Variants in PRKCQ observed in about 807,000 individuals in gnomAD.
The protein encoded by PRKCQ is protein kinase C theta.
In PRKCQ, 41 loss-of-function variants were observed where a neutral mutation model predicts 91.2. That is an observed-to-expected ratio of 0.45 (90% CI 0.35 to 0.58). The LOEUF (loss-of-function observed/expected upper bound fraction) is 0.58, where lower values mean the gene tolerates loss of function less well. Ranked by LOEUF, PRKCQ falls within the 20% of genes least tolerant of loss-of-function variation. The pLI, the probability that PRKCQ is intolerant of heterozygous loss-of-function variation, is 0.00. For synonymous variants in PRKCQ, 307 were observed against 316.9 expected (o/e 0.97, Z 0.33); for missense variants, 673 against 896.5 (o/e 0.75, Z 3.18).
chr10:6,576,801 G>A lies in PRKCQ; in HGVS notation c.-10+3410C>T, dbSNP rs1474876371. 1.3e-5 allele frequency among the ~76,000 whole-genome samples: 2 copies of A among 152,078 alleles called. No individual in the cohort carries two copies. Among genetic ancestry groups the A allele is most frequent in the Non-Finnish European group, 2.9e-5 (2 of 68,014 alleles). ...GCTTGATGGTTAGACTAATCTGGATGGTCCAACTAACCTGACTCTACCACT... is the reference window on the plus strand; with the variant it reads ...GCTTGATGGTTAGACTAATCTGGATAGTCCAACTAACCTGACTCTACCACT... On this transcript the variant is annotated intron_variant, in intron 1 of 17. Transcript: ENST00000263125. The surrounding 1 kb of genome is among the most constrained non-coding windows in gnomAD (Gnocchi z 4.2).
intron 8 of PRKCQ, among the ~76,000 whole-genome samples, chr10:6,488,359 G>A (rs1373832993): frequency 2.0e-5 from 3 of 151,538 alleles, no homozygotes; most frequent in Non-Finnish European, 4.4e-5. Context: ...ATAAAATAAA[G>A]CAGAATTTTC....
At chr10:6,416,460 G>A in the PRKCQ span, among the ~76,000 whole-genome samples, 4 of 152,090 alleles carry the variant, frequency 2.6e-5, no homozygotes, top group African/African-American at 7.2e-5. Context: ...GAGAACATAT[G>A]ATGTTTGGTT....
At chr10:6,572,321 T>A (rs916968956) in intron 1 of PRKCQ, among the ~76,000 whole-genome samples, 1 of 152,084 alleles carries the variant, frequency 6.6e-6, no homozygotes, top group East Asian at 1.9e-4. Context: ...GCACCTATCA[T>A]CCCATCACCT....
chr10:6,430,773 G>C lies in PRKCQ; in HGVS notation c.1965+37C>G. On this transcript the variant is annotated intron_variant, in intron 17 of 17. Coordinates refer to ENST00000263125, the MANE Select transcript of PRKCQ (RefSeq NM_006257.5). This position sits in a 1 kb window ranked among gnomAD's most constrained non-coding sequence, Gnocchi z 4.7. ...GCAGACGGCCCTGAGCGGAGGGAGAGTGGCTGACACCAAGCGGCCCATGAG... is the reference window on the plus strand; with the variant it reads ...GCAGACGGCCCTGAGCGGAGGGAGACTGGCTGACACCAAGCGGCCCATGAG... 6.2e-7 allele frequency: 1 copy of C among 1,605,362 alleles called. No individual in the cohort carries two copies. The highest frequency in any genetic ancestry group is 8.5e-7 in the Non-Finnish European group (1 of 1,175,012).
At chr10:6,464,240 A>G in intron 13 of PRKCQ, 73 bp downstream of exon 13, 1 of 1,387,130 alleles carries the variant, frequency 7.2e-7, no homozygotes, top group South Asian at 1.2e-5. Flanking sequence ...GCCAAGTGGG[A>G]AAAAAGGAAA....
the PRKCQ span, among the ~76,000 whole-genome samples, chr10:6,412,469 A>G: frequency 6.6e-6 from 1 of 152,246 alleles, no homozygotes; most frequent in Non-Finnish European, 1.5e-5. Flanking sequence ...CATCTAAAAG[A>G]ACTGCCTTGC....
the PRKCQ span, among the ~76,000 whole-genome samples, chr10:6,404,262 G>GAGAGAGAGAC: frequency 7.2e-6 from 1 of 138,192 alleles, no homozygotes; most frequent in East Asian, 2.0e-4. Context: ...GGGGGAGAGA[G>GAGAGAGAGAC]AGAGAGAGAG....
At chr10:6,464,038 A>G (rs1835499132) in intron 13 of PRKCQ, among the ~76,000 whole-genome samples, 1 of 152,208 alleles carries the variant, frequency 6.6e-6, no homozygotes. Context: ...CAAAGGTTAC[A>G]TATTTGCTTC....
chr10:6,471,713 G>A (rs1432506782), intron 12 of PRKCQ, among the ~76,000 whole-genome samples: 2 of 152,166 alleles, frequency 1.3e-5, no homozygotes, highest in African/African-American at 4.8e-5. Context: ...TCGTTCCACT[G>A]TACTCCAATC....
chr10:6,425,511 C>T (rs566186587), downstream of PRKCQ, among the ~76,000 whole-genome samples: 4 of 152,086 alleles, frequency 2.6e-5, no homozygotes, highest in East Asian at 1.9e-4. Flanking sequence ...CGTGAACCAC[C>T]GCACCTGGCC....
intron 11 of PRKCQ, among the ~76,000 whole-genome samples, chr10:6,481,985 T>C (rs1399695254): frequency 6.6e-6 from 1 of 150,594 alleles, no homozygotes; most frequent in East Asian, 1.9e-4. Context: ...TCTTCCTTCT[T>C]CTCACCTCCC....
At chr10:6,520,526 C>A (rs1838959537) in intron 1 of PRKCQ, among the ~76,000 whole-genome samples, 1 of 152,174 alleles carries the variant, frequency 6.6e-6, no homozygotes. Flanking sequence ...ACAGCTTCAG[C>A]CTTCTAGGAA....
intron 15 of PRKCQ, among the ~76,000 whole-genome samples, chr10:6,445,404 C>G (rs1249269561): frequency 6.6e-6 from 1 of 152,162 alleles, no homozygotes. Flanking sequence ...TAAAACGTCA[C>G]AGGCTCTACT....
chr10:6,491,081 G>A (rs1290991267), intron 8 of PRKCQ, among the ~76,000 whole-genome samples: 3 of 152,164 alleles, frequency 2.0e-5, no homozygotes, highest in African/African-American at 7.2e-5. Flanking sequence ...TGGCCTTGGA[G>A]GAAAGACCAG....
intron 12 of PRKCQ, among the ~76,000 whole-genome samples, chr10:6,474,286 C>G (rs560911104): frequency 6.6e-6 from 1 of 152,180 alleles, no homozygotes; most frequent in Non-Finnish European, 1.5e-5. Context: ...TGCAAAACCA[C>G]GGCGGCCTGC....
intron 1 of PRKCQ, among the ~76,000 whole-genome samples, chr10:6,575,739 A>G (rs879825705): frequency 2.6e-5 from 4 of 152,226 alleles, no homozygotes; most frequent in Non-Finnish European, 5.9e-5. Flanking sequence ...AAAGGCTACT[A>G]TAAAGAAGAT....
At chr10:6,402,577 G>A in the PRKCQ span, among the ~76,000 whole-genome samples, 1 of 152,112 alleles carries the variant, frequency 6.6e-6, no homozygotes, top group East Asian at 1.9e-4. Flanking sequence ...AAAGAAGAGT[G>A]GCAGTAACTA....
chr10:6,528,185 G>A (rs554205272), intron 1 of PRKCQ, among the ~76,000 whole-genome samples: 2 of 152,184 alleles, frequency 1.3e-5, no homozygotes, highest in Admixed American at 1.3e-4. Context: ...AGGTGCTTCT[G>A]GGGCTGGTGT....
chr10:6,448,224 G>A (rs1298721172), intron 15 of PRKCQ, among the ~76,000 whole-genome samples: 1 of 152,150 alleles, frequency 6.6e-6, no homozygotes, highest in African/African-American at 2.4e-5. Flanking sequence ...GTCCCTGATG[G>A]GGAGAAGCTC....
Sources: allele counts gnomAD v4.1 joint callset (sites outside exome capture counted in the v4.1 genomes callset), GRCh38; gene constraint gnomAD v4.1.1; non-coding constraint Gnocchi (gnomAD v3.1); transcripts MANE v1.5; gene names NCBI Gene and HGNC (gene_info 2026-07-23, HGNC 2026-07-21).